The following RERG variants were observed in gnomAD, a reference collection of about 807,000 sequenced individuals.
The protein encoded by RERG is ras-related and estrogen-regulated growth inhibitor.
A neutral mutation model predicts 23.2 loss-of-function variants in RERG; 25 were observed. That is an observed-to-expected ratio of 1.08 (90% CI 0.79 to 1.50). The LOEUF (loss-of-function observed/expected upper bound fraction) is 1.50, where lower values mean the gene tolerates loss of function less well. RERG is among the 40% of genes most tolerant of loss of function. The pLI, the probability that RERG is intolerant of heterozygous loss-of-function variation, is 0.00. For missense variants in RERG, 253 were observed against 250.1 expected, an observed-to-expected ratio of 1.01 and a Z score of -0.08; for synonymous variants, 81 against 89.1, an observed-to-expected ratio of 0.91 and a Z score of 0.51.
chr12:15,166,543 A>AGTGGTGTTGGTG (rs952321692), intron 2 of RERG, among the ~76,000 whole-genome samples: 18 of 113,872 alleles, frequency 1.6e-4, no homozygotes, highest in East Asian at 8.6e-4. Context: ...TGGTGGTGGT[A>AGTGGTGTTGGTG]GTGGTGTTGG....
At chr12:15,165,847 C>T (rs1864678896) in intron 2 of RERG, among the ~76,000 whole-genome samples, 1 of 152,184 alleles carries the variant, frequency 6.6e-6, no homozygotes, top group African/African-American at 2.4e-5. Context: ...ATCCTAGGAT[C>T]TTATCCTCTC....
rs139348371 is a variant in RERG, at chr12:15,109,458, G to A, written c.252C>T (p.Tyr84=). The change falls in exon 5 of 5, where the codon TAC becomes TAT. Residue 84 remains tyrosine, a synonymous_variant. Coordinates refer to ENST00000256953, the MANE Select transcript of RERG (RefSeq NM_032918.3). ...CAAAACTTCCTCGGTCAGTAATGTC[G>A]TAGACCAGCACAAAGCCTTCCCCCC... ...MRWGEGFVLV[Y]DITDRGSFEE... The A allele has an allele frequency of 9.9e-6, 16 of 1,613,754 alleles. 3 individuals are homozygous for A. In the South Asian group the frequency reaches 1.1e-4, roughly 11 times the overall value.
At chr12:15,166,496 A>C (rs879584221) in intron 2 of RERG, among the ~76,000 whole-genome samples, 1 of 148,398 alleles carries the variant, frequency 6.7e-6, no homozygotes, top group Admixed American at 6.8e-5. Context: ...GATGATGATG[A>C]TGATGGGGAT....
intron 2 of RERG, among the ~76,000 whole-genome samples, chr12:15,132,803 T>C (rs945812227): frequency 3.9e-5 from 6 of 152,092 alleles, no homozygotes; most frequent in Non-Finnish European, 2.9e-5. Flanking sequence ...ACACATGATA[T>C]TGGGAATATT....
intron 2 of RERG, among the ~76,000 whole-genome samples, chr12:15,164,674 A>C (rs1864661713): frequency 6.6e-6 from 1 of 152,126 alleles, no homozygotes; most frequent in African/African-American, 2.4e-5. Flanking sequence ...CAACAGAACC[A>C]CTGTTTACTT....
intron 2 of RERG, among the ~76,000 whole-genome samples, chr12:15,216,543 G>T (rs148403685): frequency 6.6e-6 from 1 of 152,124 alleles, no homozygotes; most frequent in African/African-American, 2.4e-5. Context: ...TTCCAAACAG[G>T]TTTCCCTCTA....
chr12:15,160,580 T>C, intron 2 of RERG, among the ~76,000 whole-genome samples: 1 of 152,184 alleles, frequency 6.6e-6, no homozygotes. Flanking sequence ...AAATTATTTA[T>C]CCCACAGGAT....
chr12:15,211,859 G>C (rs1865370181), intron 2 of RERG, among the ~76,000 whole-genome samples: 1 of 151,810 alleles, frequency 6.6e-6, no homozygotes, highest in Non-Finnish European at 1.5e-5. Flanking sequence ...AAAATATATA[G>C]AATCTTAGAA....
chr12:15,117,068 C>T (rs4644685), intron 3 of RERG, among the ~76,000 whole-genome samples: 100,498 of 151,194 alleles, frequency 0.66, 33,469 homozygotes, highest in Admixed American at 0.74. Flanking sequence ...TAACTAGAAG[C>T]ATATTTTATG....
At chr12:15,172,463 T>C (rs944247765) in intron 2 of RERG, among the ~76,000 whole-genome samples, 12 of 152,146 alleles carry the variant, frequency 7.9e-5, no homozygotes. Flanking sequence ...TATGTAGGCA[T>C]ATTTTTTCTT....
chr12:15,118,707 GC>G (rs11304709), intron 3 of RERG, among the ~76,000 whole-genome samples: 100,191 of 150,780 alleles, frequency 0.66, 33,366 homozygotes, highest in Admixed American at 0.74. Context: ...TGTCTGGCAT[GC>G]CCCCCCCCAC....
At chr12:15,131,185 A>G (rs1189000810) in intron 2 of RERG, among the ~76,000 whole-genome samples, 1 of 152,170 alleles carries the variant, frequency 6.6e-6, no homozygotes, top group Non-Finnish European at 1.5e-5. Flanking sequence ...GAGAAAATAA[A>G]TTTGGAATAT....
intron 2 of RERG, among the ~76,000 whole-genome samples, chr12:15,164,631 ACC>A (rs1864660580): frequency 6.6e-6 from 1 of 152,156 alleles, no homozygotes; most frequent in Admixed American, 6.5e-5. Context: ...TAGTTGCCAT[ACC>A]CTGAGCTGTA....
At position 15,161,180 on chromosome 12, in the gene RERG, A is replaced by AAG. The variant is rs1864603986; in HGVS notation, c.62-40063_62-40062dup. Reference sequence around the variant, plus strand: ...AAAGAAAGAAAGAAAGAAAGAAAGAAAGAAAGAAAGAAAGAAAGAAAGAAA... The same window carrying AAG: ...AAAGAAAGAAAGAAAGAAAGAAAGAAAGAGAAAGAAAGAAAGAAAGAAAGAAA... On this transcript the variant is annotated intron_variant, in intron 2 of 4. Transcript: ENST00000256953. Among the ~76,000 whole-genome samples, 6 of 147,878 alleles carry AAG rather than the reference A, an allele frequency of 4.1e-5. No individual in the cohort carries two copies. The Admixed American group carries it at 4.1e-4, about 10-fold the overall frequency.
intron 2 of RERG, among the ~76,000 whole-genome samples, chr12:15,175,531 G>T (rs1346038686): frequency 2.6e-5 from 4 of 151,924 alleles, no homozygotes; most frequent in Non-Finnish European, 5.9e-5. Context: ...ACACAACCTT[G>T]CATGTAAGTG....
Position 15,153,086 on chromosome 12 carries a change from T to G in RERG, c.62-31967A>C, listed in dbSNP as rs146961051. ...ACATATTTACACTTAGCAGAGAGAT[T>G]AAGAAAAAAATTCGCACCACAATTT... On this transcript the variant is annotated intron_variant, in intron 2 of 4. Coordinates refer to ENST00000256953, the MANE Select transcript of RERG (RefSeq NM_032918.3). 1.6e-3 allele frequency among the ~76,000 whole-genome samples: 239 copies of G among 152,200 alleles called. 1 individual carries two copies. Among genetic ancestry groups the G allele is most frequent in the Middle Eastern group, 0.01 (3 of 294 alleles).
intron 2 of RERG, among the ~76,000 whole-genome samples, chr12:15,133,891 C>T (rs1864097956): frequency 6.6e-6 from 1 of 152,028 alleles, no homozygotes; most frequent in South Asian, 2.1e-4. Flanking sequence ...TATTTGACAT[C>T]TGTATATCTT....
At chr12:15,150,639 G>C (rs1864425584) in intron 2 of RERG, among the ~76,000 whole-genome samples, 1 of 152,132 alleles carries the variant, frequency 6.6e-6, no homozygotes, top group Non-Finnish European at 1.5e-5. Flanking sequence ...ATTTTACAAA[G>C]AAGGAGACTG....
At position 15,111,197 on chromosome 12, in the gene RERG, T is replaced by A. The variant is rs1591630879; in HGVS notation, c.192+147A>T. On this transcript the variant is annotated intron_variant, in intron 4 of 4. Coordinates refer to ENST00000256953, the MANE Select transcript of RERG (RefSeq NM_032918.3). ...AATATACAGATATTTACAAATATGT[T>A]AATATATAAAATGGCTAGTTAATTA... The A allele has an allele frequency of 1.0e-5, 6 of 588,796 alleles. No individual in the cohort carries two copies. In the South Asian group the frequency reaches 1.3e-4, roughly 13 times the overall value. 36.5% of individuals were successfully genotyped at this position (588,796 alleles called of 1,614,324 possible). A position where few individuals can be genotyped will look rare whatever the true frequency, so the allele number is the denominator to read the frequency against.
Sources: allele counts gnomAD v4.1 joint callset (sites outside exome capture counted in the v4.1 genomes callset), GRCh38; gene constraint gnomAD v4.1.1; transcripts MANE v1.5; gene names NCBI Gene and HGNC (gene_info 2026-07-23, HGNC 2026-07-21).